The following KLHL13 variants were observed in gnomAD, a reference collection of about 807,000 sequenced individuals.
The protein encoded by KLHL13 is kelch-like protein 13.
Under a neutral mutation model 37.1 loss-of-function variants are expected in KLHL13, and 10 were observed. That is an observed-to-expected ratio of 0.27 (90% CI 0.17 to 0.46). The LOEUF is 0.46. Among genes scored for constraint, KLHL13 ranks in the 20% least tolerant of loss-of-function variants. KLHL13 has a pLI of 1.00. For missense variants in KLHL13, 360 were observed against 509.3 expected (o/e 0.71, Z 2.82); for synonymous variants, 163 against 181.2 (o/e 0.90, Z 0.81).
intron 2 of KLHL13, among the ~76,000 whole-genome samples, chrX:117,936,713 T>C (rs1373404869): frequency 9.0e-6 from 1 of 110,559 alleles, no homozygotes; most frequent in African/African-American, 3.3e-5. Context: ...CAGAGCCTGG[T>C]CCATTAATGA....
intron 1 of KLHL13, among the ~76,000 whole-genome samples, chrX:118,081,317 G>T (rs1341357981): frequency 1.8e-5 from 2 of 111,757 alleles, no homozygotes; most frequent in Admixed American, 9.5e-5. Context: ...CCAAAAAAAA[G>T]TACATCAGAT....
At position 118,079,805 on chromosome X, in the gene KLHL13, T is replaced by A. The variant is rs1200516564; in HGVS notation, c.-56+36703A>T. On this transcript the variant is annotated intron_variant, in intron 1 of 6. Coordinates refer to the KLHL13 transcript ENST00000371882. Reference sequence around the variant, plus strand: ...AGAAAAAACTATTCTAAAATTCATATGGAACCAAAAAAGAGCACAAATAGC... The same window carrying A: ...AGAAAAAACTATTCTAAAATTCATAAGGAACCAAAAAAGAGCACAAATAGC... Among the ~76,000 whole-genome samples the A allele has an allele frequency of 2.7e-5, 3 of 111,597 alleles. No homozygotes were observed. The South Asian group carries it at 1.1e-3, about 42-fold the overall frequency.
At chrX:117,959,965 T>C (rs948858630) in intron 1 of KLHL13, among the ~76,000 whole-genome samples, 2 of 111,509 alleles carry the variant, frequency 1.8e-5, no homozygotes, top group African/African-American at 6.5e-5. Flanking sequence ...TTAAGCCCAA[T>C]TGCCCACATA....
chrX:118,109,888 A>G (rs1460429086), intron 1 of KLHL13, among the ~76,000 whole-genome samples: 1 of 111,847 alleles, frequency 8.9e-6, no homozygotes, highest in African/African-American at 3.3e-5. Context: ...AGGAAAAAAA[A>G]ACAGGCCAGG....
intron 1 of KLHL13, among the ~76,000 whole-genome samples, chrX:118,026,827 T>C (rs1381049544): frequency 8.9e-6 from 1 of 112,068 alleles, no homozygotes; most frequent in African/African-American, 3.2e-5. Flanking sequence ...TTCCACTTGA[T>C]GGCTACCAAA....
intron 1 of KLHL13, among the ~76,000 whole-genome samples, chrX:118,079,390 C>A (rs920880720): frequency 9.1e-6 from 1 of 110,294 alleles, no homozygotes; most frequent in Non-Finnish European, 1.9e-5. Context: ...TATTAAAATA[C>A]CCTAAAAAAT....
intron 1 of KLHL13, among the ~76,000 whole-genome samples, chrX:118,044,246 G>T (rs4281266): frequency 0.35 from 38,498 of 110,102 alleles, 5,952 homozygotes; most frequent in Admixed American, 0.51. Context: ...CAACAAAATG[G>T]AAAGATATTT....
At position 117,997,806 on chromosome X, in the gene KLHL13, T is replaced by C. The variant is rs781268023; in HGVS notation, c.-55-52231A>G. ...CTTGTCTAATAATTCTATGTATTGA[T>C]GTATCTATTTTACTAGTTTGTAAGT... On this transcript the variant is annotated intron_variant, in intron 1 of 6. Transcript: ENST00000371882. Among the ~76,000 whole-genome samples, 4 of 111,973 alleles carry C rather than the reference T, an allele frequency of 3.6e-5. No individual in the cohort carries two copies. The South Asian group carries it at 1.5e-3, about 42-fold the overall frequency.
intron 1 of KLHL13, among the ~76,000 whole-genome samples, chrX:118,061,261 T>A (rs1466786860): frequency 9.0e-6 from 1 of 111,686 alleles, no homozygotes; most frequent in East Asian, 2.8e-4. Flanking sequence ...ATTTTGGAAA[T>A]GTGTTGGGGT....
At chrX:118,052,702 C>T (rs942906032) in intron 1 of KLHL13, among the ~76,000 whole-genome samples, 30 of 109,023 alleles carry the variant, frequency 2.8e-4, no homozygotes, top group Non-Finnish European at 5.0e-4. Context: ...CTGGGCGCAC[C>T]TGTAATCGCA....
At chrX:118,075,906 CATAAG>C (rs1365257974) in intron 1 of KLHL13, among the ~76,000 whole-genome samples, 2 of 111,205 alleles carry the variant, frequency 1.8e-5, no homozygotes, top group African/African-American at 3.3e-5. Context: ...ATTTCTGTGT[CATAAG>C]ATATTTGTGG....
intron 1 of KLHL13, among the ~76,000 whole-genome samples, chrX:118,008,958 T>C (rs1602645428): frequency 8.9e-6 from 1 of 111,894 alleles, no homozygotes; most frequent in African/African-American, 3.2e-5. Flanking sequence ...TATTTAAGTG[T>C]TAGCTATTAT....
chrX:117,972,982 T>C, exon 1 of KLHL13: 1 of 1,073,954 alleles, frequency 9.3e-7, no homozygotes, highest in South Asian at 2.5e-5. Flanking sequence ...GCTTCCAATC[T>C]GTAAAATAGG....
intron 1 of KLHL13, among the ~76,000 whole-genome samples, chrX:118,030,099 G>A (rs1192955143): frequency 9.0e-6 from 1 of 111,139 alleles, no homozygotes; most frequent in Non-Finnish European, 1.9e-5. Flanking sequence ...TTAAGGAAAA[G>A]AAATAGAAGA....
intron 1 of KLHL13, among the ~76,000 whole-genome samples, chrX:117,964,595 T>C (rs2053378897): frequency 9.2e-6 from 1 of 108,144 alleles, no homozygotes; most frequent in African/African-American, 3.5e-5. Context: ...ACTGAGCACT[T>C]TCTTTTTTTT....
intron 1 of KLHL13, among the ~76,000 whole-genome samples, chrX:118,020,461 A>G (rs1348937264): frequency 1.8e-5 from 2 of 111,484 alleles, no homozygotes; most frequent in Non-Finnish European, 3.8e-5. Context: ...CACACCAGTT[A>G]GAATGGCGAT....
chrX:117,939,103 C>G (rs750508706), intron 2 of KLHL13, among the ~76,000 whole-genome samples: 1 of 110,257 alleles, frequency 9.1e-6, no homozygotes, highest in South Asian at 4.0e-4. Flanking sequence ...CCCCCACCCC[C>G]TGAAAGGCCC....
chrX:118,081,178 G>A (rs980600782), intron 1 of KLHL13, among the ~76,000 whole-genome samples: 1 of 111,641 alleles, frequency 9.0e-6, no homozygotes, highest in African/African-American at 3.3e-5. Flanking sequence ...TGCTACCTGA[G>A]TGCGATATAC....
At chrX:118,097,125 G>C (rs1470559138) in intron 1 of KLHL13, among the ~76,000 whole-genome samples, 3 of 111,404 alleles carry the variant, frequency 2.7e-5, no homozygotes, top group Non-Finnish European at 3.8e-5. Context: ...ATTAGGAAAA[G>C]AGGAAGTCAA....
Sources: allele counts gnomAD v4.1 joint callset (sites outside exome capture counted in the v4.1 genomes callset), GRCh38; gene constraint gnomAD v4.1.1; transcripts MANE v1.5; gene names NCBI Gene and HGNC (gene_info 2026-07-23, HGNC 2026-07-21).